Variants in VPS13B observed in about 807,000 individuals in gnomAD.
The protein encoded by VPS13B is intermembrane lipid transfer protein VPS13B.
VPS13B carries 285 observed loss-of-function variants against 426.4 expected under a neutral mutation model. The observed-to-expected ratio is 0.67, with a 90% CI of 0.61 to 0.74. The LOEUF is 0.74. Among genes scored for constraint, VPS13B ranks in the 30% least tolerant of loss-of-function variants. The probability of loss-of-function intolerance (pLI) is 0.00; values close to 1 mark genes in which losing one functional copy is unlikely to be tolerated. For synonymous variants in VPS13B, 1,676 were observed against 1,676.4 expected, an observed-to-expected ratio of 1.00 and a Z score of 0.01; for missense variants, 4,537 against 4,782.6, an observed-to-expected ratio of 0.95 and a Z score of 1.51.
chr8:99,828,320 A>G lies in VPS13B; in HGVS notation c.9331-4049A>G, dbSNP rs139786287. Among the ~76,000 whole-genome samples, 340 of 149,252 alleles carry G rather than the reference A, an allele frequency of 2.3e-3. 2 individuals carry two copies. Among genetic ancestry groups the G allele is most frequent in the African/African-American group, 8.1e-3 (328 of 40,668 alleles). ...TACATTGATCCCTTTACCATTATGTAATGCCCTTCTTTGTCTTTTTTGATC... is the reference window on the plus strand; with the variant it reads ...TACATTGATCCCTTTACCATTATGTGATGCCCTTCTTTGTCTTTTTTGATC... On this transcript the variant is annotated intron_variant, in intron 51 of 61. Transcript: ENST00000357162.
chr8:99,853,592 A>G lies in VPS13B; in HGVS notation c.10203A>G (p.Gly3401=). The change falls in exon 56 of 62, where the codon GGA becomes GGG. Residue 3401 remains glycine, a synonymous_variant. Coordinates refer to ENST00000357162, the MANE Select transcript of VPS13B (RefSeq NM_152564.5). ...LDNIFLCVAP[G]AGPLPGEEPV... is the part of the protein sequence containing the mutation. The stretch of plus-strand genomic sequence containing the variant: ...ACATTTTTCTCTGTGTGGCCCCGGG[A>G]GCTGGTCCCCTCCCTGGGGAAGAGC... 1 of 1,614,158 alleles carries G rather than the reference A, an allele frequency of 6.2e-7. No individual in the cohort carries two copies.
chr8:99,494,342 A>T (rs1309565559), intron 25 of VPS13B, among the ~76,000 whole-genome samples: 1 of 152,076 alleles, frequency 6.6e-6, no homozygotes, highest in Middle Eastern at 3.2e-3. Context: ...TGAACACTGG[A>T]TGTCTTTCCA....
intron 21 of VPS13B, among the ~76,000 whole-genome samples, chr8:99,420,446 T>C (rs902235456): frequency 7.2e-5 from 11 of 152,158 alleles, no homozygotes; most frequent in Non-Finnish European, 1.6e-4. Context: ...TAAAGAGATG[T>C]TTTCGTATAA....
chr8:99,640,022 T>TAAGAAGAAGAAGAAG (rs1278292892), intron 33 of VPS13B, among the ~76,000 whole-genome samples: 2 of 89,408 alleles, frequency 2.2e-5, no homozygotes, highest in African/African-American at 8.1e-5. Context: ...ATAATAATAA[T>TAAGAAGAAGAAGAAG]AATAAGAAGA....
At chr8:99,680,670 A>G (rs957196275) in intron 35 of VPS13B, among the ~76,000 whole-genome samples, 2 of 152,234 alleles carry the variant, frequency 1.3e-5, no homozygotes, top group Non-Finnish European at 2.9e-5. Flanking sequence ...CTATTACTGC[A>G]TATTCCTAAA....
At chr8:99,393,274 A>G (rs2133316716) in intron 21 of VPS13B, among the ~76,000 whole-genome samples, 1 of 152,252 alleles carries the variant, frequency 6.6e-6, no homozygotes, top group South Asian at 2.1e-4. Flanking sequence ...ACTCATACCA[A>G]TCACATATCA....
intron 19 of VPS13B, among the ~76,000 whole-genome samples, chr8:99,335,279 T>C (rs1044135135): frequency 1.3e-5 from 2 of 152,176 alleles, no homozygotes; most frequent in Admixed American, 6.6e-5. Context: ...TAGCAGTCTA[T>C]CGATTTTGTT....
intron 35 of VPS13B, among the ~76,000 whole-genome samples, chr8:99,674,762 A>C (rs1830858953): frequency 6.6e-6 from 1 of 152,016 alleles, no homozygotes. Flanking sequence ...GAGGCATATC[A>C]AAAAATCTTA....
chr8:99,868,360 G>C lies in VPS13B; in HGVS notation c.11287G>C (p.Gly3763Arg). Residue 3763 changes from glycine (G) to arginine (R), a missense_variant, in exon 59 of 62, where the codon GGA (glycine) becomes CGA (arginine). Coordinates refer to ENST00000357162, the MANE Select transcript of VPS13B (RefSeq NM_152564.5). ...QKTSEAQASA[G>R]HKAKGVISGV... ...AACATCTGAGGCACAGGCTTCAGCAGGACACAAGGCCAAGGGTGTCATCTC... is the reference window on the plus strand; with the variant it reads ...AACATCTGAGGCACAGGCTTCAGCACGACACAAGGCCAAGGGTGTCATCTC... 6.2e-7 allele frequency: 1 copy of C among 1,614,194 alleles called. No homozygotes were observed. The highest frequency in any genetic ancestry group is 8.5e-7 in the Non-Finnish European group (1 of 1,180,046).
At chr8:99,493,056 CTAAT>C (rs1295883558) in intron 25 of VPS13B, among the ~76,000 whole-genome samples, 1 of 152,136 alleles carries the variant, frequency 6.6e-6, no homozygotes, top group African/African-American at 2.4e-5. Flanking sequence ...CTTAATGTGA[CTAAT>C]TATATCGATT....
At chr8:99,631,476 G>A (rs1261466241) in intron 33 of VPS13B, among the ~76,000 whole-genome samples, 2 of 151,980 alleles carry the variant, frequency 1.3e-5, no homozygotes, top group Non-Finnish European at 2.9e-5. Flanking sequence ...TGCCCCTATG[G>A]GAATATCACT....
At chr8:99,214,723 C>T (rs931539098) in intron 17 of VPS13B, among the ~76,000 whole-genome samples, 26 of 152,180 alleles carry the variant, frequency 1.7e-4, no homozygotes, top group African/African-American at 5.8e-4. Context: ...ACTTCTGTCA[C>T]ACTAAGGCAA....
chr8:99,789,074 G>A (rs1044043659), intron 43 of VPS13B, among the ~76,000 whole-genome samples: 4 of 152,074 alleles, frequency 2.6e-5, no homozygotes, highest in African/African-American at 9.7e-5. Flanking sequence ...ATAACAGAAA[G>A]TTCTCCAATT....
chr8:99,060,573 C>T (rs1158436542), intron 3 of VPS13B, among the ~76,000 whole-genome samples: 5 of 151,326 alleles, frequency 3.3e-5, no homozygotes, highest in Non-Finnish European at 5.9e-5. Flanking sequence ...CACACTACTG[C>T]ACTCCAGCTT....
At chr8:99,473,061 A>T (rs1168048098) in intron 24 of VPS13B, among the ~76,000 whole-genome samples, 1 of 152,056 alleles carries the variant, frequency 6.6e-6, no homozygotes, top group Non-Finnish European at 1.5e-5. Context: ...TAGATGGATG[A>T]ATTCTATCAA....
At chr8:99,037,093 A>G (rs1842778046) in intron 2 of VPS13B, among the ~76,000 whole-genome samples, 1 of 152,140 alleles carries the variant, frequency 6.6e-6, no homozygotes, top group South Asian at 2.1e-4. Flanking sequence ...CCTGGTACAT[A>G]CTCAGTGCTT....
chr8:99,750,083 C>G (rs1018756462), intron 39 of VPS13B, among the ~76,000 whole-genome samples: 9 of 151,920 alleles, frequency 5.9e-5, no homozygotes, highest in Non-Finnish European at 1.2e-4. Context: ...ATTTTTATTT[C>G]CTGTCAGTGG....
chr8:99,351,992 G>A (rs1371316081), intron 19 of VPS13B, among the ~76,000 whole-genome samples: 2 of 152,162 alleles, frequency 1.3e-5, no homozygotes, highest in Admixed American at 1.3e-4. Context: ...GAGTCTGGAA[G>A]AGAGAATTCT....
chr8:99,057,583 T>C (rs552152935), intron 3 of VPS13B, among the ~76,000 whole-genome samples: 2 of 152,318 alleles, frequency 1.3e-5, no homozygotes, highest in South Asian at 4.1e-4. Context: ...GTTATCATTA[T>C]ATATTTTTTA....
Sources: gnomAD v4.1 joint callset for allele counts (sites outside exome capture counted in the v4.1 genomes callset) on GRCh38, gnomAD v4.1.1 for gene constraint, MANE v1.5 for transcripts, NCBI Gene and HGNC (gene_info 2026-07-23, HGNC 2026-07-21) for gene names.